Variants in RBFOX1 observed in about 807,000 individuals in gnomAD.
RBFOX1 encodes RNA binding protein fox-1 homolog 1.
Under a neutral mutation model 57.7 loss-of-function variants are expected in RBFOX1, and 8 were observed. The observed-to-expected ratio is 0.14, with a 90% CI of 0.08 to 0.25. RBFOX1 has a LOEUF of 0.25. RBFOX1 is among the 10% of genes least tolerant of loss of function. The pLI is 1.00. For synonymous variants in RBFOX1, 326 were observed against 222.4 expected, an observed-to-expected ratio of 1.47 and a Z score of -4.15; for missense variants, 611 against 548.5, an observed-to-expected ratio of 1.11 and a Z score of -1.14.
intron 2 of RBFOX1, among the ~76,000 whole-genome samples, chr16:6,362,253 G>C (rs2088701351): frequency 2.0e-5 from 3 of 151,148 alleles, no homozygotes; most frequent in Admixed American, 2.0e-4. Flanking sequence ...GTGAAACACT[G>C]CTGTTTCTAA....
At position 6,757,093 on chromosome 16, in the gene RBFOX1, A is replaced by G. The variant is rs1051123381; in HGVS notation, c.-16+102443A>G. 7.9e-5 allele frequency among the ~76,000 whole-genome samples: 12 copies of G among 152,328 alleles called. 1 individual carries two copies. Among genetic ancestry groups the G allele is most frequent in the African/African-American group, 2.6e-4 (11 of 41,580 alleles). On this transcript the variant is annotated intron_variant, in intron 3 of 15. Coordinates refer to ENST00000550418, the MANE Select transcript of RBFOX1 (RefSeq NM_018723.4). ...GAGGGAAATGCAGATCAAAACCTCA[A>G]TGACGTATAATTTCATCCCAATTAG...
chr16:6,694,525 T>C (rs2060728456), intron 3 of RBFOX1, among the ~76,000 whole-genome samples: 1 of 152,198 alleles, frequency 6.6e-6, no homozygotes, highest in Non-Finnish European at 1.5e-5. Flanking sequence ...TTTAGTTACA[T>C]GTCCTTGAAG....
chr16:6,671,305 A>T (rs1469786269), intron 3 of RBFOX1, among the ~76,000 whole-genome samples: 1 of 152,184 alleles, frequency 6.6e-6, no homozygotes, highest in Admixed American at 6.5e-5. Context: ...AAAAATGATG[A>T]ATACACTTGT....
At chr16:6,637,397 T>TTATATATATATATTATATAATATA in intron 2 of RBFOX1, among the ~76,000 whole-genome samples, 1 of 6,824 alleles carries the variant, frequency 1.5e-4, no homozygotes. Context: ...ATATTATATA[T>TTATATATATATATTATATAATATA]TAAATATATA....
intron 3 of RBFOX1, among the ~76,000 whole-genome samples, chr16:6,957,420 G>C (rs1409447482): frequency 6.6e-6 from 1 of 151,480 alleles, no homozygotes; most frequent in Non-Finnish European, 1.5e-5. Flanking sequence ...ATTTCTTCAT[G>C]ATATGCTAAA....
intron 4 of RBFOX1, among the ~76,000 whole-genome samples, chr16:7,454,365 C>A (rs934906598): frequency 1.2e-4 from 18 of 152,262 alleles, no homozygotes; most frequent in African/African-American, 4.3e-4. Context: ...CAGTGTCTTG[C>A]CAGATTTTCT....
chr16:6,171,514 T>C (rs1369713086), intron 1 of RBFOX1, among the ~76,000 whole-genome samples: 1 of 152,200 alleles, frequency 6.6e-6, no homozygotes, highest in African/African-American at 2.4e-5. Flanking sequence ...GTGGGATATT[T>C]GGCTCATTGG....
intron 3 of RBFOX1, among the ~76,000 whole-genome samples, chr16:6,665,642 AGAAG>A (rs2098727714): frequency 6.7e-6 from 1 of 150,192 alleles, no homozygotes; most frequent in Non-Finnish European, 1.5e-5. Flanking sequence ...AAAAAAAAGA[AGAAG>A]GAGGGAGTGT....
chr16:7,700,813 G>C (rs528588586), intron 14 of RBFOX1, among the ~76,000 whole-genome samples: 115 of 151,524 alleles, frequency 7.6e-4, no homozygotes, highest in African/African-American at 2.7e-3. Context: ...TTGGGTTTCA[G>C]AATAGGAAGA....
chr16:6,304,557 T>C (rs1305465693), intron 1 of RBFOX1, among the ~76,000 whole-genome samples: 1 of 152,014 alleles, frequency 6.6e-6, no homozygotes, highest in African/African-American at 2.4e-5. Flanking sequence ...TGGCTGGGAA[T>C]GATCTACTCA....
chr16:5,935,704 A>C (rs1435499644), intron 4 of RBFOX1, among the ~76,000 whole-genome samples: 1 of 152,218 alleles, frequency 6.6e-6, no homozygotes, highest in Non-Finnish European at 1.5e-5. Flanking sequence ...ATGTTAAAGC[A>C]ACAGAATATA....
chr16:7,480,224 C>A (rs1365093678), intron 4 of RBFOX1, among the ~76,000 whole-genome samples: 2 of 152,166 alleles, frequency 1.3e-5, no homozygotes, highest in Non-Finnish European at 2.9e-5. Context: ...TTTCTGCCTG[C>A]AGCACTGGGC....
intron 1 of RBFOX1, among the ~76,000 whole-genome samples, chr16:6,046,233 C>G (rs2095494031): frequency 6.6e-6 from 1 of 152,150 alleles, no homozygotes; most frequent in Non-Finnish European, 1.5e-5. Flanking sequence ...ATGATGATGC[C>G]TGGTCCTAGA....
At chr16:6,552,823 A>G (rs866388327) in intron 2 of RBFOX1, among the ~76,000 whole-genome samples, 126 of 152,128 alleles carry the variant, frequency 8.3e-4, no homozygotes, top group African/African-American at 2.8e-3. Context: ...TGTGTAAGAT[A>G]TATATTATAA....
At chr16:6,431,373 C>A (rs904521515) in intron 2 of RBFOX1, among the ~76,000 whole-genome samples, 2 of 151,926 alleles carry the variant, frequency 1.3e-5, no homozygotes, top group African/African-American at 4.8e-5. Flanking sequence ...AAAAGTCTTT[C>A]CACAAGCCCT....
intron 2 of RBFOX1, among the ~76,000 whole-genome samples, chr16:6,492,324 C>G (rs764605261): frequency 7.2e-5 from 11 of 152,334 alleles, no homozygotes; most frequent in Admixed American, 3.3e-4. Flanking sequence ...TAATCCAACA[C>G]TTTGGGAGGC....
intron 3 of RBFOX1, among the ~76,000 whole-genome samples, chr16:5,735,257 G>A (rs368403962): frequency 2.6e-5 from 4 of 152,176 alleles, no homozygotes; most frequent in African/African-American, 4.8e-5. Flanking sequence ...CCAAGGAGAC[G>A]TCTTCAAGCC....
At chr16:7,626,828 T>C (rs933589601) in intron 10 of RBFOX1, among the ~76,000 whole-genome samples, 1 of 152,224 alleles carries the variant, frequency 6.6e-6, no homozygotes, top group African/African-American at 2.4e-5. Context: ...TTTTTAAAAA[T>C]GTATTATAAT....
intron 4 of RBFOX1, among the ~76,000 whole-genome samples, chr16:7,105,682 C>G (rs1396493235): frequency 6.6e-6 from 1 of 151,954 alleles, no homozygotes; most frequent in Non-Finnish European, 1.5e-5. Context: ...TCATATCTAT[C>G]TGTCTATCTC....
Sources: gnomAD v4.1 joint callset for allele counts (sites outside exome capture counted in the v4.1 genomes callset) on GRCh38, gnomAD v4.1.1 for gene constraint, MANE v1.5 for transcripts, NCBI Gene and HGNC (gene_info 2026-07-23, HGNC 2026-07-21) for gene names.